EEPD1: variants seen among roughly 807,000 people sequenced by gnomAD.
The protein encoded by EEPD1 is endonuclease/exonuclease/phosphatase family domain-containing protein 1.
In EEPD1, 17 loss-of-function variants were observed where a neutral mutation model predicts 46.3. That is an observed-to-expected ratio of 0.37 (90% confidence interval 0.25 to 0.55). The LOEUF (loss-of-function observed/expected upper bound fraction) is 0.55, where lower values mean the gene tolerates loss of function less well. EEPD1 is among the 20% of genes least tolerant of loss of function. EEPD1 has a pLI of 0.83. For missense variants in EEPD1, 673 were observed against 745.6 expected, an observed-to-expected ratio of 0.90 and a Z score of 1.13; for synonymous variants, 313 against 315.6, an observed-to-expected ratio of 0.99 and a Z score of 0.09.
At chr7:36,195,982 A>G (rs2115688217) in intron 2 of EEPD1, among the ~76,000 whole-genome samples, 1 of 152,336 alleles carries the variant, frequency 6.6e-6, no homozygotes, top group Non-Finnish European at 1.5e-5. Context: ...AGAGTCCACT[A>G]CACACCTAGA....
At chr7:36,188,668 A>G (rs1048538474) in intron 2 of EEPD1, among the ~76,000 whole-genome samples, 1 of 152,224 alleles carries the variant, frequency 6.6e-6, no homozygotes, top group Non-Finnish European at 1.5e-5. Flanking sequence ...CCTTTGCTTC[A>G]TCAAGTAAAT....
intron 2 of EEPD1, among the ~76,000 whole-genome samples, chr7:36,211,137 A>G (rs1458894652): frequency 2.6e-5 from 4 of 152,242 alleles, no homozygotes; most frequent in Non-Finnish European, 5.9e-5. Flanking sequence ...CAGAAAGGGA[A>G]GCAAGACAGA....
intron 3 of EEPD1, among the ~76,000 whole-genome samples, chr7:36,268,156 T>C (rs1364790583): frequency 6.6e-6 from 1 of 152,072 alleles, no homozygotes; most frequent in Non-Finnish European, 1.5e-5. Flanking sequence ...AAGTGTTTTG[T>C]TGTTGTTGTT....
chr7:36,253,203 C>A (rs989499230), intron 3 of EEPD1, among the ~76,000 whole-genome samples: 13 of 151,962 alleles, frequency 8.6e-5, no homozygotes, highest in African/African-American at 3.1e-4. Flanking sequence ...CTCCCTTGAC[C>A]CGTTGGTTAT....
At chr7:36,167,542 G>A (rs1466107020) in intron 2 of EEPD1, among the ~76,000 whole-genome samples, 1 of 152,036 alleles carries the variant, frequency 6.6e-6, no homozygotes, top group Non-Finnish European at 1.5e-5. Context: ...TGAAATGAGA[G>A]CAGTGACCTG....
At position 36,300,402 on chromosome 7, in the gene EEPD1, ACCT is replaced by A. The variant is rs1787602347; in HGVS notation, c.*1201_*1203del. The stretch of plus-strand genomic sequence containing the variant: ...AAGACGCTGAGGCTTAGAGAGCTCG[ACCT>A]CCTCAAGGTCACACCACTGGGTAAA... On this transcript the variant is annotated 3_prime_UTR_variant, in exon 8 of 8. Transcript: ENST00000242108. 6.6e-6 allele frequency: 1 copy of A among 152,238 alleles called. No individual in the cohort carries two copies. The highest frequency in any genetic ancestry group is 6.5e-5 in the Admixed American group (1 of 15,282). The allele number at this position is 152,238 out of a possible 1,614,324, so 9.4% of individuals were successfully genotyped here.
intron 2 of EEPD1, among the ~76,000 whole-genome samples, chr7:36,209,718 A>G (rs1000334129): frequency 2.6e-5 from 4 of 152,020 alleles, no homozygotes; most frequent in Admixed American, 6.5e-5. Flanking sequence ...CGCGTGAACT[A>G]CCAGAGCAAG....
chr7:36,167,867 A>G (rs1199409391), intron 2 of EEPD1, among the ~76,000 whole-genome samples: 1 of 152,050 alleles, frequency 6.6e-6, no homozygotes, highest in Non-Finnish European at 1.5e-5. Context: ...GGCACGCGCC[A>G]CCACGCCTGG....
intron 2 of EEPD1, among the ~76,000 whole-genome samples, chr7:36,178,370 A>T (rs1262166482): frequency 6.6e-6 from 1 of 152,216 alleles, no homozygotes; most frequent in Admixed American, 6.5e-5. Flanking sequence ...TTCTGAAAGC[A>T]TTGGGGCTCC....
At chr7:36,232,231 G>A (rs1216651609) in intron 2 of EEPD1, among the ~76,000 whole-genome samples, 2 of 150,118 alleles carry the variant, frequency 1.3e-5, no homozygotes, top group East Asian at 3.9e-4. Flanking sequence ...TTGAGATGGA[G>A]TCTCACTCTG....
intron 2 of EEPD1, among the ~76,000 whole-genome samples, chr7:36,229,873 C>T (rs1487321194): frequency 6.6e-6 from 1 of 152,076 alleles, no homozygotes; most frequent in African/African-American, 2.4e-5. Flanking sequence ...CTTCTCTGTC[C>T]TCACAGCCTC....
intron 2 of EEPD1, among the ~76,000 whole-genome samples, chr7:36,214,547 A>C (rs1156853377): frequency 6.6e-6 from 1 of 152,170 alleles, no homozygotes; most frequent in East Asian, 1.9e-4. Context: ...TATCCCATTC[A>C]GTCTGGTCGC....
intron 2 of EEPD1, among the ~76,000 whole-genome samples, chr7:36,178,589 G>A (rs753535822): frequency 1.1e-4 from 17 of 152,212 alleles, no homozygotes; most frequent in Non-Finnish European, 1.5e-4. Context: ...CTTCCTTTAG[G>A]TACCAGCATC....
intron 2 of EEPD1, among the ~76,000 whole-genome samples, chr7:36,183,155 T>C (rs946865126): frequency 1.8e-4 from 27 of 152,194 alleles, no homozygotes; most frequent in Non-Finnish European, 1.2e-4. Context: ...CCACCAACTT[T>C]GAGCAGCTGA....
chr7:36,205,755 G>C (rs1420995318), intron 2 of EEPD1, among the ~76,000 whole-genome samples: 1 of 152,206 alleles, frequency 6.6e-6, no homozygotes, highest in Non-Finnish European at 1.5e-5. Context: ...GGTGGGGAGT[G>C]AGTAGCAAGC....
chr7:36,200,633 A>T (rs1785696676), intron 2 of EEPD1, among the ~76,000 whole-genome samples: 1 of 152,202 alleles, frequency 6.6e-6, no homozygotes, highest in South Asian at 2.1e-4. Context: ...TGTCCTTCAG[A>T]ACATTCCTTT....
rs967926692 is a variant in EEPD1 at position 36,279,773 on chromosome 7, T to C, written c.931-1342T>C. On this transcript the variant is annotated intron_variant, in intron 3 of 7. Transcript: ENST00000242108. ...ACTTCAGAGCTGCTGATCCAGTAGG[T>C]CTAGGATTTCTAGCACGTTCTCAGG... Among the ~76,000 whole-genome samples, 3 of 152,078 alleles carry C rather than the reference T, an allele frequency of 2.0e-5. No homozygotes were observed. In the South Asian group the frequency reaches 6.2e-4, roughly 32 times the overall value.
chr7:36,250,392 G>A (rs7780655), intron 3 of EEPD1, among the ~76,000 whole-genome samples: 71,210 of 152,066 alleles, frequency 0.47, 16,977 homozygotes, highest in Non-Finnish European at 0.51. Flanking sequence ...CTAGAAGGGT[G>A]GATGGTGCAT....
chr7:36,222,851 A>T (rs1786170201), intron 2 of EEPD1, among the ~76,000 whole-genome samples: 1 of 152,190 alleles, frequency 6.6e-6, no homozygotes. Flanking sequence ...TCCTAATGCC[A>T]TCACACTGGT....
Sources: allele counts gnomAD v4.1 joint callset (sites outside exome capture counted in the v4.1 genomes callset), GRCh38; gene constraint gnomAD v4.1.1; transcripts MANE v1.5; gene names NCBI Gene and HGNC (gene_info 2026-07-23, HGNC 2026-07-21).